The following LRSAM1 variants were observed in gnomAD, a reference collection of about 807,000 sequenced individuals.
The protein encoded by LRSAM1 is leucine rich repeat and sterile alpha motif containing 1.
A neutral mutation model predicts 118.1 loss-of-function variants in LRSAM1; 96 were observed. The ratio of observed to expected loss-of-function variants is 0.81; its 90% CI spans 0.69 to 0.96. The LOEUF is 0.96. LRSAM1 is among the 40% of genes least tolerant of loss of function. The pLI, the probability that LRSAM1 is intolerant of heterozygous loss-of-function variation, is 0.00. For synonymous variants in LRSAM1, 322 were observed against 364.2 expected (o/e 0.88, Z 1.32); for missense variants, 804 against 915.5 (o/e 0.88, Z 1.57).
chr9:127,494,215 C>T (rs757786881), intron 21 of LRSAM1, among the ~76,000 whole-genome samples: 2 of 152,224 alleles, frequency 1.3e-5, no homozygotes, highest in African/African-American at 2.4e-5. Flanking sequence ...GGAGGGCCAA[C>T]GACGGAAGGG....
intron 17 of LRSAM1, among the ~76,000 whole-genome samples, chr9:127,486,920 C>G (rs372178158): frequency 6.6e-6 from 1 of 151,794 alleles, no homozygotes; most frequent in Non-Finnish European, 1.5e-5. Context: ...CAGTGGCTCA[C>G]GTCTGTAATC....
At chr9:127,469,686 G>A (rs1209362804) in intron 10 of LRSAM1, among the ~76,000 whole-genome samples, 4 of 151,544 alleles carry the variant, frequency 2.6e-5, no homozygotes, top group African/African-American at 2.4e-5. Flanking sequence ...AAAATAGGCC[G>A]GGCGCGGTGG....
chr9:127,494,180 G>A (rs547632953), intron 21 of LRSAM1, among the ~76,000 whole-genome samples: 4 of 152,372 alleles, frequency 2.6e-5, no homozygotes, highest in Admixed American at 2.6e-4. Flanking sequence ...GCTCCTGGGC[G>A]CTGGAAGAGA....
chr9:127,479,757 G>C, intron 13 of LRSAM1, 82 bp from the exon 14 acceptor site: 1 of 1,554,692 alleles, frequency 6.4e-7, no homozygotes. Flanking sequence ...GGGTGGGAAA[G>C]CCAGCCTCCT....
At chr9:127,494,409 G>A (rs1393255583) in intron 21 of LRSAM1, among the ~76,000 whole-genome samples, 1 of 152,220 alleles carries the variant, frequency 6.6e-6, no homozygotes, top group African/African-American at 2.4e-5. Context: ...CCCCACCCTG[G>A]GCAGGTTACT....
intron 14 of LRSAM1, among the ~76,000 whole-genome samples, chr9:127,480,752 C>T (rs1835506566): frequency 6.6e-6 from 1 of 152,048 alleles, no homozygotes; most frequent in East Asian, 1.9e-4. Context: ...CAGTGGTGTG[C>T]TCTCGGCTCA....
chr9:127,489,473 A>G lies in LRSAM1; in HGVS notation c.1377A>G (p.Ala459=), dbSNP rs750833777. 3 of 1,610,198 alleles carry G rather than the reference A, an allele frequency of 1.9e-6. No individual in the cohort carries two copies. Among genetic ancestry groups the G allele is most frequent in the Non-Finnish European group, 2.5e-6 (3 of 1,178,902 alleles). Reference sequence around the variant, plus strand: ...CGATGCAGAAGGCTGCGTTCGAGGCACTCCAGGTGAAGAAAGACCTGATGC... The same window carrying G: ...CGATGCAGAAGGCTGCGTTCGAGGCGCTCCAGGTGAAGAAAGACCTGATGC... ...ESAMQKAAFE[A]LQVKKDLMHR... is the part of the protein sequence containing the mutation. Residue 459 remains alanine, a synonymous_variant, in exon 19 of 26, where the codon GCA becomes GCG. Coordinates refer to ENST00000300417, the MANE Select transcript of LRSAM1 (RefSeq NM_001005373.4).
At chr9:127,497,732 A>C (rs1455267044) in intron 24 of LRSAM1, among the ~76,000 whole-genome samples, 1 of 152,164 alleles carries the variant, frequency 6.6e-6, no homozygotes, top group African/African-American at 2.4e-5. Context: ...ACATGGAGAG[A>C]TGTCCACAAC....
At chr9:127,476,212 T>G (rs1477495933) in intron 11 of LRSAM1, among the ~76,000 whole-genome samples, 1 of 152,192 alleles carries the variant, frequency 6.6e-6, no homozygotes, top group Non-Finnish European at 1.5e-5. Context: ...TGCCCCTGGG[T>G]CATGTGCACA....
In LRSAM1 at chr9:127,478,957, G is replaced by C; in HGVS notation, c.774G>C (p.Lys258Asn). 6.2e-7 allele frequency: 1 copy of C among 1,613,924 alleles called. No individual in the cohort carries two copies. The highest frequency in any genetic ancestry group is 8.5e-7 in the Non-Finnish European group (1 of 1,179,774). The change falls in exon 12 of 26, where the codon AAG becomes AAC. Residue 258 changes from lysine (K) to asparagine (N), a missense_variant. Coordinates refer to ENST00000300417, the MANE Select transcript of LRSAM1 (RefSeq NM_001005373.4). ...AGAACAGGTTCTCAGACTATGAGAA[G>C]AGGAAGGTAAGAAAATGCCTTTACC... ...EWQNRFSDYE[K>N]RKEQKMLEKL...
Position 127,454,523 on chromosome 9 carries a change from G to A in LRSAM1, c.-5G>A. ...TCCTAAAGATCGCTCTGGGAAAAGG[G>A]AAGGATGCCGCTCTTCTTCCGGAAG... On this transcript the variant is annotated 5_prime_UTR_variant, in exon 3 of 26. Coordinates refer to ENST00000300417, the MANE Select transcript of LRSAM1 (RefSeq NM_001005373.4). 1 of 1,614,206 alleles carries A rather than the reference G, an allele frequency of 6.2e-7. No individual in the cohort carries two copies. The highest frequency in any genetic ancestry group is 1.3e-5 in the African/African-American group (1 of 75,056).
intron 23 of LRSAM1, among the ~76,000 whole-genome samples, chr9:127,496,679 G>T (rs1836157950): frequency 6.6e-6 from 1 of 152,134 alleles, no homozygotes; most frequent in South Asian, 2.1e-4. Context: ...TTGGCCCAAG[G>T]TCACACAGCA....
intron 6 of LRSAM1, among the ~76,000 whole-genome samples, chr9:127,458,665 TG>T (rs1834618242): frequency 6.6e-6 from 1 of 152,194 alleles, no homozygotes; most frequent in Non-Finnish European, 1.5e-5. Flanking sequence ...TTTTACACTG[TG>T]GAGTACCACT....
intron 16 of LRSAM1, among the ~76,000 whole-genome samples, chr9:127,485,433 T>C (rs1304389051): frequency 6.6e-6 from 1 of 152,034 alleles, no homozygotes; most frequent in Non-Finnish European, 1.5e-5. Flanking sequence ...GGCAGGCGTC[T>C]GTAGTCCCAG....
At chr9:127,481,494 C>T (rs1322179264) in intron 15 of LRSAM1, among the ~76,000 whole-genome samples, 3 of 151,920 alleles carry the variant, frequency 2.0e-5, no homozygotes, top group Non-Finnish European at 4.4e-5. Context: ...ATGATCTGCC[C>T]GCCTCGGCCT....
intron 2 of LRSAM1, chr9:127,452,366 C>G (rs562817560): frequency 5.3e-5 from 8 of 152,374 alleles, no homozygotes; most frequent in African/African-American, 1.9e-4. Flanking sequence ...TCCTTGCAGG[C>G]AGGTGGGGTG....
intron 11 of LRSAM1, among the ~76,000 whole-genome samples, chr9:127,475,401 G>C (rs899305694): frequency 1.3e-5 from 2 of 152,098 alleles, no homozygotes; most frequent in African/African-American, 4.8e-5. Context: ...TGAGGCACAA[G>C]AATCACTTGA....
chr9:127,479,357 C>T (rs1373683919), intron 12 of LRSAM1, 26 bp from the exon 13 acceptor site: 1 of 1,613,938 alleles, frequency 6.2e-7, no homozygotes, highest in East Asian at 2.2e-5. Flanking sequence ...CCTGTGCTGA[C>T]AGTCACCAGG....
chr9:127,470,963 C>T (rs77495522), intron 10 of LRSAM1: 1 of 151,954 alleles, frequency 6.6e-6, no homozygotes, highest in Non-Finnish European at 1.5e-5. Flanking sequence ...CTCCTCTTCT[C>T]ACCGCTGCAC....
Sources: gnomAD v4.1 joint callset for allele counts (sites outside exome capture counted in the v4.1 genomes callset) on GRCh38, gnomAD v4.1.1 for gene constraint, MANE v1.5 for transcripts, NCBI Gene and HGNC (gene_info 2026-07-23, HGNC 2026-07-21) for gene names.